Variants in ABI3BP observed in about 807,000 individuals in gnomAD.
ABI3BP encodes the protein ABI family member 3 binding protein.
A neutral mutation model predicts 268.6 loss-of-function variants in ABI3BP; 216 were observed. The observed-to-expected ratio is 0.80, with a 90% CI of 0.72 to 0.90. The LOEUF (loss-of-function observed/expected upper bound fraction) is 0.90, where lower values mean the gene tolerates loss of function less well. ABI3BP is among the 40% of genes least tolerant of loss of function. The pLI is 0.00. For missense variants in ABI3BP, 2,090 were observed against 2,182.4 expected, an observed-to-expected ratio of 0.96 and a Z score of 0.84; for synonymous variants, 730 against 730.0, an observed-to-expected ratio of 1.00 and a Z score of 0.00.
intron 2 of ABI3BP, chr3:100,911,183 C>A: frequency 2.5e-6 from 1 of 394,078 alleles, no homozygotes; most frequent in Non-Finnish European, 4.8e-6. Flanking sequence ...GGTCTACTAG[C>A]TGGACTAGCT....
intron 21 of ABI3BP, among the ~76,000 whole-genome samples, 175 bp downstream of exon 21, chr3:100,841,823 G>A (rs1237172534): frequency 6.6e-6 from 1 of 150,682 alleles, no homozygotes; most frequent in Non-Finnish European, 1.5e-5. Context: ...CTGGGAGGCA[G>A]AAGTTGCAGT....
At chr3:100,934,615 C>A (rs1413499799) in intron 1 of ABI3BP, among the ~76,000 whole-genome samples, 2 of 152,154 alleles carry the variant, frequency 1.3e-5, no homozygotes, top group Non-Finnish European at 2.9e-5. Flanking sequence ...TAAAAGTGTT[C>A]CTATTTCTCC....
chr3:100,817,575 TTAAAAG>T (rs1172177034), intron 41 of ABI3BP, 80 bp from the exon 42 acceptor site: 4 of 1,120,618 alleles, frequency 3.6e-6, no homozygotes, highest in Non-Finnish European at 4.9e-6. Context: ...GCTTCAGAAC[TTAAAAG>T]TAAGGCTTGT....
chr3:100,952,492 A>G (rs890990681), intron 1 of ABI3BP: 4 of 152,222 alleles, frequency 2.6e-5, no homozygotes, highest in Non-Finnish European at 4.4e-5. Flanking sequence ...CTAGAGAAAA[A>G]TTAAACACTC....
chr3:100,824,310 T>C (rs1401370597), intron 36 of ABI3BP, among the ~76,000 whole-genome samples: 1 of 152,118 alleles, frequency 6.6e-6, no homozygotes, highest in Non-Finnish European at 1.5e-5. Flanking sequence ...CCTAGTTCAT[T>C]CTTCCCTCCA....
At chr3:100,876,036 C>A (rs548574864) in intron 7 of ABI3BP, among the ~76,000 whole-genome samples, 1 of 151,840 alleles carries the variant, frequency 6.6e-6, no homozygotes. Flanking sequence ...TTTTAAGGGC[C>A]CTGTCTCTTC....
At chr3:100,915,216 T>C (rs970273719) in intron 2 of ABI3BP, among the ~76,000 whole-genome samples, 5 of 152,010 alleles carry the variant, frequency 3.3e-5, no homozygotes, top group African/African-American at 1.2e-4. Context: ...TTTACTCTTA[T>C]CCCCCAACCC....
chr3:100,866,486 C>G (rs2099052120), intron 10 of ABI3BP, among the ~76,000 whole-genome samples: 1 of 152,060 alleles, frequency 6.6e-6, no homozygotes, highest in East Asian at 1.9e-4. Context: ...AGATATTAAG[C>G]TATGGATTTG....
At chr3:100,901,655 A>G (rs1295966250) in intron 3 of ABI3BP, among the ~76,000 whole-genome samples, 1 of 151,764 alleles carries the variant, frequency 6.6e-6, no homozygotes, top group Non-Finnish European at 1.5e-5. Flanking sequence ...AGTCCCAGCT[A>G]CTCGAGAGGC....
rs2041579577 is a variant in ABI3BP, at chr3:100,885,532, A to G, written c.696+4T>C. Reference sequence around the variant, plus strand: ...AACATTCTTGAAAATAAACTGTTACATACCACTGTGTGGTCTTGGTCATAG... The same window carrying G: ...AACATTCTTGAAAATAAACTGTTACGTACCACTGTGTGGTCTTGGTCATAG... On this transcript the variant is annotated splice_donor_region_variant and intron_variant, in intron 6 of 67. Transcript: ENST00000471714. 2.0e-6 allele frequency: 3 copies of G among 1,527,240 alleles called. No individual in the cohort carries two copies. The highest frequency in any genetic ancestry group is 2.7e-6 in the Non-Finnish European group (3 of 1,129,870). The allele number at this position is 1,527,240 out of a possible 1,614,324, so 94.6% of individuals were successfully genotyped here.
chr3:100,975,605 G>T (rs1193738690), intron 1 of ABI3BP, among the ~76,000 whole-genome samples: 1 of 152,026 alleles, frequency 6.6e-6, no homozygotes, highest in Non-Finnish European at 1.5e-5. Context: ...TGAATGTTTT[G>T]CTTGTTTAAT....
intron 1 of ABI3BP, among the ~76,000 whole-genome samples, chr3:100,988,953 T>A (rs1429943416): frequency 6.6e-6 from 1 of 152,210 alleles, no homozygotes; most frequent in African/African-American, 2.4e-5. Flanking sequence ...ATGGGAATAA[T>A]AGGTTTACCT....
intron 50 of ABI3BP, 68 bp downstream of exon 50, chr3:100,808,093 G>T: frequency 2.2e-6 from 3 of 1,373,874 alleles, no homozygotes; most frequent in South Asian, 2.5e-5. Flanking sequence ...AACTATTAAT[G>T]AACAATTTGC....
Position 100,875,692 on chromosome 3 carries a change from T to C in ABI3BP, c.746-113A>G. 4.0e-6 allele frequency: 3 copies of C among 748,896 alleles called. No individual in the cohort carries two copies. The South Asian group carries it at 4.9e-5, about 12-fold the overall frequency. 46.4% of individuals were successfully genotyped at this position (748,896 alleles called of 1,614,324 possible). On this transcript the variant is annotated intron_variant, in intron 7 of 67. Transcript: ENST00000471714. ...GCCTTGATCTAACTTTATTAATTAA[T>C]ACAAAGCAACTCAGTGGCCTGGCTA...
At chr3:100,971,369 C>T (rs913046018) in intron 1 of ABI3BP, among the ~76,000 whole-genome samples, 16 of 152,058 alleles carry the variant, frequency 1.1e-4, no homozygotes, top group African/African-American at 2.4e-4. Flanking sequence ...ACATAAGCAT[C>T]GGTAAATAAA....
intron 34 of ABI3BP, among the ~76,000 whole-genome samples, chr3:100,827,344 G>A (rs1051871305): frequency 7.9e-5 from 12 of 152,042 alleles, no homozygotes; most frequent in Non-Finnish European, 1.3e-4. Flanking sequence ...ACAACCCTCT[G>A]GACGCCCTCA....
At chr3:100,776,574 C>A (rs2096711353) in intron 59 of ABI3BP, among the ~76,000 whole-genome samples, 1 of 152,138 alleles carries the variant, frequency 6.6e-6, no homozygotes, top group African/African-American at 2.4e-5. Context: ...CCTCAGAGGA[C>A]TCCAGGACAT....
intron 49 of ABI3BP, among the ~76,000 whole-genome samples, chr3:100,809,850 G>A (rs80072457): frequency 0.033 from 5,094 of 152,116 alleles, 284 homozygotes; most frequent in African/African-American, 0.12. Flanking sequence ...ACTATGTAAA[G>A]CTTTGTGATA....
chr3:100,930,301 G>C (rs1343291629), intron 1 of ABI3BP, among the ~76,000 whole-genome samples: 1 of 151,938 alleles, frequency 6.6e-6, no homozygotes, highest in Non-Finnish European at 1.5e-5. Context: ...ATGTCAACAG[G>C]AGTGAGAAAA....
Sources: allele counts gnomAD v4.1 joint callset (sites outside exome capture counted in the v4.1 genomes callset), GRCh38; gene constraint gnomAD v4.1.1; transcripts MANE v1.5; gene names NCBI Gene and HGNC (gene_info 2026-07-23, HGNC 2026-07-21).